MAP3K7CL: variants seen among roughly 807,000 people sequenced by gnomAD.
MAP3K7CL encodes the protein MAP3K7 C-terminal-like protein.
MAP3K7CL carries 16 observed loss-of-function variants against 18.6 expected under a neutral mutation model. The observed-to-expected ratio is 0.86, with a 90% confidence interval of 0.58 to 1.31. The LOEUF is 1.31. Among genes scored for constraint, MAP3K7CL ranks in the 50% most tolerant of loss-of-function variants. The probability of loss-of-function intolerance (pLI) is 0.00; values close to 1 mark genes in which losing one functional copy is unlikely to be tolerated. For missense variants in MAP3K7CL, 163 were observed against 174.4 expected, an observed-to-expected ratio of 0.93 and a Z score of 0.37; for synonymous variants, 65 against 66.8, an observed-to-expected ratio of 0.97 and a Z score of 0.13.
chr21:29,152,831 AAGGAATATAC>A (rs2087309143), intron 3 of MAP3K7CL, among the ~76,000 whole-genome samples: 1 of 152,226 alleles, frequency 6.6e-6, no homozygotes, highest in Non-Finnish European at 1.5e-5. Flanking sequence ...TACGCTTTTT[AAGGAATATAC>A]AGGCTGCTTA....
At chr21:29,169,029 G>T (rs1166434956) in intron 4 of MAP3K7CL, among the ~76,000 whole-genome samples, 1 of 152,186 alleles carries the variant, frequency 6.6e-6, no homozygotes, top group Non-Finnish European at 1.5e-5. Flanking sequence ...CTCCACACCT[G>T]CCCCACCCTA....
At chr21:29,172,886 T>C (rs1008313087) in intron 4 of MAP3K7CL, among the ~76,000 whole-genome samples, 5 of 127,182 alleles carry the variant, frequency 3.9e-5, no homozygotes, top group Non-Finnish European at 7.9e-5. Flanking sequence ...TTATTTCCAA[T>C]ATAAACTTGA....
At chr21:29,165,984 C>G (rs1421863759) in intron 4 of MAP3K7CL, among the ~76,000 whole-genome samples, 2 of 152,218 alleles carry the variant, frequency 1.3e-5, no homozygotes, top group Admixed American at 6.5e-5. Flanking sequence ...TTCATCTCCT[C>G]AAACATTTGT....
intron 3 of MAP3K7CL, among the ~76,000 whole-genome samples, chr21:29,155,509 T>C (rs1812086305): frequency 6.6e-6 from 1 of 152,072 alleles, no homozygotes; most frequent in South Asian, 2.1e-4. Flanking sequence ...GGGAGTGGAA[T>C]CCACTTCGGG....
rs144356005 is a variant in MAP3K7CL at position 29,115,423 on chromosome 21, G to A, written c.370+22842G>A. Among the ~76,000 whole-genome samples, 9 of 152,166 alleles carry A rather than the reference G, an allele frequency of 5.9e-5. No homozygotes were observed. In the East Asian group the frequency reaches 1.5e-3, roughly 26 times the overall value. ...AAGAGTGAAATCAACATTCTTTTTA[G>A]TAGAGGGCCTTAGTTGGAATTGCAG... On this transcript the variant is annotated intron_variant, in intron 4 of 6. Transcript: ENST00000286791.
upstream of MAP3K7CL, among the ~76,000 whole-genome samples, chr21:29,081,997 A>G (rs530139436): frequency 3.3e-5 from 5 of 152,374 alleles, no homozygotes; most frequent in South Asian, 1.0e-3. Context: ...TCTTAACACC[A>G]GTGCAAAGAC....
At chr21:29,099,261 A>ATTTTTT (rs968362985) in intron 4 of MAP3K7CL, among the ~76,000 whole-genome samples, 92 of 83,076 alleles carry the variant, frequency 1.1e-3, no homozygotes, top group East Asian at 5.0e-3. Flanking sequence ...CAGCTAATTG[A>ATTTTTT]TTTTTTTTTT....
Position 29,146,700 on chromosome 21 carries a change from A to G in MAP3K7CL, c.71-2489A>G, listed in dbSNP as rs1307556615. ...AATCTGAGGACACCCATTGTCTAGC[A>G]TAGGAGCAGATACAAAACAGATTCA... On this transcript the variant is annotated intron_variant, in intron 2 of 4. Coordinates refer to ENST00000399928, the MANE Select transcript of MAP3K7CL (RefSeq NM_001286620.2). Among the ~76,000 whole-genome samples the G allele has an allele frequency of 2.6e-5, 4 of 152,216 alleles. No homozygotes were observed. In the East Asian group the frequency reaches 7.7e-4, roughly 29 times the overall value.
At chr21:29,092,288 C>T (rs2086041750) in intron 3 of MAP3K7CL, 2 of 640,140 alleles carry the variant, frequency 3.1e-6, no homozygotes, top group African/African-American at 2.4e-5. Flanking sequence ...TGATGAGAAA[C>T]CTTTCCAGAT....
intron 4 of MAP3K7CL, among the ~76,000 whole-genome samples, chr21:29,111,234 C>A (rs894423842): frequency 6.6e-6 from 1 of 151,918 alleles, no homozygotes; most frequent in Non-Finnish European, 1.5e-5. Context: ...CCAGCCTGGG[C>A]GACAGAGCGA....
intron 3 of MAP3K7CL, among the ~76,000 whole-genome samples, chr21:29,151,993 T>C (rs1344824389): frequency 6.6e-6 from 1 of 152,256 alleles, no homozygotes; most frequent in Non-Finnish European, 1.5e-5. Flanking sequence ...TTTTGATTTT[T>C]TTTTCCCCCT....
chr21:29,120,184 C>CT (rs59143891), intron 4 of MAP3K7CL, among the ~76,000 whole-genome samples: 29,997 of 143,934 alleles, frequency 0.21, 3,463 homozygotes, highest in East Asian at 0.42. Flanking sequence ...GGGGAATTTT[C>CT]TTTTTTTTTT....
At chr21:29,090,415 CTG>C (rs377710180) in intron 1 of MAP3K7CL, among the ~76,000 whole-genome samples, 5 of 152,058 alleles carry the variant, frequency 3.3e-5, no homozygotes, top group African/African-American at 1.2e-4. Context: ...GAGGCTCACT[CTG>C]TCGCCCAGGC....
rs377753310 is a variant in MAP3K7CL at position 29,174,885 on chromosome 21, C to T, written c.422C>T (p.Ser141Leu). The T allele has an allele frequency of 2.9e-5, 47 of 1,613,474 alleles. No homozygotes were observed. The highest frequency in any genetic ancestry group is 6.7e-5 in the Admixed American group (4 of 59,946). The change falls in exon 5 of 5, where the codon TCG becomes TTG. Residue 141 changes from serine (S) to leucine (L), a missense_variant. By Grantham distance (145) the Ser-to-Leu change is moderately radical (BLOSUM62 -2). Coordinates refer to ENST00000399928, the MANE Select transcript of MAP3K7CL (RefSeq NM_001286620.2). Reference sequence around the variant, plus strand: ...ATACAGTATCAGAAGAGGCAGGGCTCGTCCTAACTTTAAATTTTTCAGTGT... The same window carrying T: ...ATACAGTATCAGAAGAGGCAGGGCTTGTCCTAACTTTAAATTTTTCAGTGT... ...LRIQYQKRQG[S>L]S
intron 3 of MAP3K7CL, among the ~76,000 whole-genome samples, chr21:29,158,525 A>T (rs1367113070): frequency 3.9e-5 from 6 of 152,204 alleles, no homozygotes; most frequent in Non-Finnish European, 1.5e-5. Context: ...TCCTTTAAAC[A>T]TCTCTACTCA....
At chr21:29,165,516 T>TTA (rs2087663935) in intron 4 of MAP3K7CL, among the ~76,000 whole-genome samples, 2 of 152,170 alleles carry the variant, frequency 1.3e-5, no homozygotes, top group African/African-American at 2.4e-5. Context: ...CCAAAGTCCA[T>TTA]TGTATTATCC....
chr21:29,173,753 G>A (rs1354791917), intron 4 of MAP3K7CL, among the ~76,000 whole-genome samples: 1 of 152,110 alleles, frequency 6.6e-6, no homozygotes, highest in African/African-American at 2.4e-5. Context: ...CCAGGCTGGA[G>A]TGCAGTGGCA....
intron 3 of MAP3K7CL, among the ~76,000 whole-genome samples, chr21:29,149,586 G>T (rs1170756986): frequency 6.6e-6 from 1 of 152,164 alleles, no homozygotes; most frequent in Non-Finnish European, 1.5e-5. Flanking sequence ...CTTGTCTGGG[G>T]TTAGTGATTT....
At chr21:29,122,952 A>G (rs981728840) in intron 4 of MAP3K7CL, among the ~76,000 whole-genome samples, 2 of 151,638 alleles carry the variant, frequency 1.3e-5, no homozygotes, top group East Asian at 1.9e-4. Context: ...AACTTTGTAC[A>G]TTTGATTTTG....
Sources: gnomAD v4.1 joint callset for allele counts (sites outside exome capture counted in the v4.1 genomes callset) on GRCh38, gnomAD v4.1.1 for gene constraint, MANE v1.5 for transcripts, NCBI Gene and HGNC (gene_info 2026-07-23, HGNC 2026-07-21) for gene names.